LITAF: variants seen among roughly 807,000 people sequenced by gnomAD.
LITAF encodes lipopolysaccharide-induced tumor necrosis factor-alpha factor.
Under a neutral mutation model 14.5 loss-of-function variants are expected in LITAF, and 9 were observed. That is an observed-to-expected ratio of 0.62 (90% CI 0.37 to 1.08). LITAF has a LOEUF of 1.08. Ranked by LOEUF, LITAF falls within the 50% of genes least tolerant of loss-of-function variation. The probability of loss-of-function intolerance (pLI) is 0.01; values close to 1 mark genes in which losing one functional copy is unlikely to be tolerated. For missense variants in LITAF, 206 were observed against 213.4 expected (o/e 0.97, Z 0.22); for synonymous variants, 98 against 88.2 (o/e 1.11, Z -0.62).
intron 1 of LITAF, among the ~76,000 whole-genome samples, chr16:11,594,186 G>GAA (rs34586225): frequency 1.4e-5 from 2 of 144,020 alleles, no homozygotes; most frequent in African/African-American, 2.5e-5. Context: ...ACCCTGTCTC[G>GAA]AAAAAAAAAA....
chr16:11,592,443 A>G (rs8055774), intron 1 of LITAF, among the ~76,000 whole-genome samples: 63,856 of 151,668 alleles, frequency 0.42, 14,552 homozygotes, highest in African/African-American at 0.6. Context: ...AGGCATGGTG[A>G]CAGGCACCTG....
At position 11,554,351 on chromosome 16, in the gene LITAF, T is replaced by C. The variant is rs916998968; in HGVS notation, c.221-662A>G. ...CTGACAGCCAATGATAAGGGTAGAG[T>C]TTACCAAGCCAGGAAACGCAGGCCA... On this transcript the variant is annotated intron_variant, in intron 2 of 3. Transcript: ENST00000622633. Among the ~76,000 whole-genome samples, 4 of 151,676 alleles carry C rather than the reference T, an allele frequency of 2.6e-5. No individual in the cohort carries two copies. The East Asian group carries it at 7.7e-4, about 29-fold the overall frequency.
At chr16:11,614,255 C>T (rs772568935) in intron 3 of LITAF, among the ~76,000 whole-genome samples, 2 of 151,636 alleles carry the variant, frequency 1.3e-5, no homozygotes, top group Non-Finnish European at 2.9e-5. Context: ...AGGCCTTCTC[C>T]TTCTCCTTCT....
intron 3 of LITAF, among the ~76,000 whole-genome samples, chr16:11,613,904 T>C (rs2064999740): frequency 6.6e-6 from 1 of 152,204 alleles, no homozygotes; most frequent in Non-Finnish European, 1.5e-5. Context: ...GTTTATTTCC[T>C]TATCTCTAAA....
rs760577000 is a variant in LITAF at position 11,548,849 on chromosome 16, T to A, written c.*788A>T. 8.8e-6 allele frequency: 4 copies of A among 453,560 alleles called. No homozygotes were observed. The highest frequency in any genetic ancestry group is 1.8e-5 in the Non-Finnish European group (4 of 226,736). 28.1% of individuals were successfully genotyped at this position (453,560 alleles called of 1,614,324 possible). ...AAAAAGAAATTCTGTTCAAAAGTAT[T>A]TCAGACCAAAAGGAGGTCATAAAAA... is the stretch of plus-strand genomic sequence containing the variant. On this transcript the variant is annotated 3_prime_UTR_variant, in exon 4 of 4. Transcript: ENST00000622633.
intron 2 of LITAF, chr16:11,556,214 A>G: frequency 3.8e-6 from 2 of 526,958 alleles, no homozygotes; most frequent in East Asian, 2.9e-5. Flanking sequence ...GCGGGCCCTT[A>G]AGACACAAAC....
chr16:11,603,469 A>G (rs549100502), upstream of LITAF, among the ~76,000 whole-genome samples: 7 of 152,244 alleles, frequency 4.6e-5, no homozygotes, highest in South Asian at 1.5e-3. Flanking sequence ...CCAGAAATCC[A>G]GGGGAACATC....
At chr16:11,585,769 G>C (rs1188983033) in intron 1 of LITAF, among the ~76,000 whole-genome samples, 1 of 152,182 alleles carries the variant, frequency 6.6e-6, no homozygotes, top group Non-Finnish European at 1.5e-5. Flanking sequence ...AGTGCACCAG[G>C]CCAAGGGGAG....
intron 3 of LITAF, among the ~76,000 whole-genome samples, chr16:11,603,851 T>C (rs1024948622): frequency 2.7e-5 from 4 of 150,676 alleles, no homozygotes; most frequent in Admixed American, 1.3e-4. Context: ...GAGACCATCC[T>C]GGCTAACACA....
intron 3 of LITAF, among the ~76,000 whole-genome samples, chr16:11,611,047 C>T (rs72781044): frequency 0.14 from 20,952 of 151,994 alleles, 1,822 homozygotes; most frequent in Non-Finnish European, 0.2. Flanking sequence ...CTCCCAGATA[C>T]GGTTTCCAGA....
upstream of LITAF, among the ~76,000 whole-genome samples, chr16:11,640,108 A>G (rs1259518166): frequency 6.6e-6 from 1 of 152,084 alleles, no homozygotes; most frequent in Non-Finnish European, 1.5e-5. Context: ...TTGTTTGTTG[A>G]CTGTCCTCTC....
intron 3 of LITAF, among the ~76,000 whole-genome samples, chr16:11,617,259 AT>A (rs2065024700): frequency 6.6e-6 from 1 of 151,994 alleles, no homozygotes; most frequent in Non-Finnish European, 1.5e-5. Flanking sequence ...ATGCCAGCAC[AT>A]TGCTAAAATC....
upstream of LITAF, among the ~76,000 whole-genome samples, chr16:11,638,190 T>A (rs2065150967): frequency 6.7e-6 from 1 of 149,652 alleles, no homozygotes; most frequent in Non-Finnish European, 1.5e-5. Flanking sequence ...CCTGAGTACA[T>A]CACATCACCT....
intron 1 of LITAF, among the ~76,000 whole-genome samples, chr16:11,583,374 G>T (rs560885180): frequency 5.9e-5 from 9 of 152,244 alleles, no homozygotes; most frequent in African/African-American, 1.9e-4. Flanking sequence ...TTTTCCTCTG[G>T]ACTCCTGGTG....
At chr16:11,612,632 C>A (rs2064989342) in intron 3 of LITAF, among the ~76,000 whole-genome samples, 1 of 152,196 alleles carries the variant, frequency 6.6e-6, no homozygotes, top group African/African-American at 2.4e-5. Context: ...CAGGCAGGAG[C>A]CCTCGCAGAG....
upstream of LITAF, among the ~76,000 whole-genome samples, chr16:11,638,101 T>TAG (rs1567271162): frequency 4.3e-5 from 4 of 93,236 alleles, no homozygotes; most frequent in East Asian, 2.3e-4. Flanking sequence ...TCTATCTATA[T>TAG]ATATATATCT....
intron 3 of LITAF, among the ~76,000 whole-genome samples, chr16:11,628,782 T>G (rs1418915038): frequency 6.6e-6 from 1 of 152,142 alleles, no homozygotes; most frequent in Non-Finnish European, 1.5e-5. Context: ...GTTCCAGTGA[T>G]CCTCCTGCCT....
At chr16:11,613,504 G>A (rs186761398) in intron 3 of LITAF, among the ~76,000 whole-genome samples, 3 of 152,284 alleles carry the variant, frequency 2.0e-5, no homozygotes, top group African/African-American at 7.2e-5. Context: ...GCCCCACCTC[G>A]AAGACATCGG....
intron 3 of LITAF, among the ~76,000 whole-genome samples, chr16:11,627,641 C>T (rs543116336): frequency 4.6e-5 from 7 of 152,290 alleles, no homozygotes; most frequent in South Asian, 4.1e-4. Context: ...GTCAGCAGTT[C>T]GAGACCAGCC....
Sources: allele counts gnomAD v4.1 joint callset (sites outside exome capture counted in the v4.1 genomes callset), GRCh38; gene constraint gnomAD v4.1.1; transcripts MANE v1.5; gene names NCBI Gene and HGNC (gene_info 2026-07-23, HGNC 2026-07-21).